The following TDRD1 variants were observed in gnomAD, a reference collection of about 807,000 sequenced individuals.
TDRD1 encodes the protein tudor domain containing 1, also known as tudor domain-containing protein 1.
A neutral mutation model predicts 140.6 loss-of-function variants in TDRD1; 37 were observed. That is an observed-to-expected ratio of 0.26 (90% confidence interval 0.20 to 0.35). The LOEUF (loss-of-function observed/expected upper bound fraction) is 0.35, where lower values mean the gene tolerates loss of function less well. Among genes scored for constraint, TDRD1 ranks in the 10% least tolerant of loss-of-function variants. TDRD1 has a pLI of 1.00. For missense variants in TDRD1, 1,243 were observed against 1,393.0 expected (o/e 0.89, Z 1.71); for synonymous variants, 506 against 475.7 (o/e 1.06, Z -0.83).
chr10:114,206,424 C>A (rs2035106335), intron 11 of TDRD1, 94 bp downstream of exon 11: 3 of 889,306 alleles, frequency 3.4e-6, no homozygotes, highest in Admixed American at 2.3e-5. Context: ...ACTGTTAAGA[C>A]TTGTTAACGA....
chr10:114,216,700 G>A (rs1317399261), intron 16 of TDRD1, among the ~76,000 whole-genome samples: 1 of 152,170 alleles, frequency 6.6e-6, no homozygotes, highest in Non-Finnish European at 1.5e-5. Context: ...ATGTGTATTT[G>A]TGCTTTTGAG....
exon 23 of TDRD1, chr10:114,227,104 TTAA>T (rs1209186192): frequency 6.3e-7 from 1 of 1,581,290 alleles, no homozygotes; most frequent in South Asian, 1.1e-5. Flanking sequence ...CTCTTCTCAA[TTAA>T]TAATAATGCT....
chr10:114,178,062 C>G (rs1432978581), upstream of TDRD1, among the ~76,000 whole-genome samples: 2 of 151,862 alleles, frequency 1.3e-5, no homozygotes, highest in Admixed American at 6.6e-5. Flanking sequence ...AGGCTGGTCT[C>G]GAACTCCAGA....
intron 11 of TDRD1, 60 bp from the exon 12 acceptor site, chr10:114,210,521 A>AT (rs55976621): frequency 0.089 from 121,874 of 1,364,014 alleles, 2,944 homozygotes; most frequent in African/African-American, 0.13. Context: ...AGCGTGCATA[A>AT]TTTTTTTTTT....
At chr10:114,226,734 G>T (rs1029222599) in intron 22 of TDRD1, among the ~76,000 whole-genome samples, 1 of 152,152 alleles carries the variant, frequency 6.6e-6, no homozygotes, top group African/African-American at 2.4e-5. Flanking sequence ...CTTATGCAGA[G>T]GACTTGCAGA....
intron 21 of TDRD1, among the ~76,000 whole-genome samples, chr10:114,225,005 G>T (rs1414344891): frequency 6.6e-6 from 1 of 152,208 alleles, no homozygotes; most frequent in Non-Finnish European, 1.5e-5. Flanking sequence ...CCATCTCACT[G>T]CAGACTCCCA....
At chr10:114,187,912 T>C (rs374239657) in exon 2 of TDRD1, 1 of 1,613,156 alleles carries the variant, frequency 6.2e-7, no homozygotes, top group Non-Finnish European at 8.5e-7. Context: ...AGCCATTTAA[T>C]TTTGAGAAAA....
At chr10:114,219,516 T>C (rs1255258198) in intron 18 of TDRD1, among the ~76,000 whole-genome samples, 3 of 152,206 alleles carry the variant, frequency 2.0e-5, no homozygotes, top group South Asian at 4.1e-4. Flanking sequence ...GCAGCATAGA[T>C]GGATTTATTT....
chr10:114,177,907 G>A (rs554276960), upstream of TDRD1, among the ~76,000 whole-genome samples: 14 of 148,574 alleles, frequency 9.4e-5, no homozygotes, highest in South Asian at 1.5e-3. Context: ...ATCTTGGCTC[G>A]GTGAAACCTC....
exon 14 of TDRD1, chr10:114,211,912 A>G: frequency 6.3e-7 from 1 of 1,597,338 alleles, no homozygotes; most frequent in Non-Finnish European, 8.5e-7. Flanking sequence ...ACGCTTCTGA[A>G]GAATCTGTAC....
chr10:114,217,658 A>G lies in TDRD1; in HGVS notation c.2323+3A>G. Reference sequence around the variant, plus strand: ...ACCTTGTTGTGCTTTTTTTGCAGGTAAGTTGCAATTGATGCAATCTTGACT... The same window carrying G: ...ACCTTGTTGTGCTTTTTTTGCAGGTGAGTTGCAATTGATGCAATCTTGACT... On this transcript the variant is annotated splice_donor_region_variant and intron_variant, in intron 17 of 25. Coordinates refer to ENST00000251864, the Ensembl canonical transcript of TDRD1. The G allele has an allele frequency of 2.0e-6, 3 of 1,513,670 alleles. No homozygotes were observed. In the South Asian group the frequency reaches 3.5e-5, roughly 18 times the overall value. The allele number at this position is 1,513,670 out of a possible 1,614,324, so 93.8% of individuals were successfully genotyped here. A position where few individuals can be genotyped will look rare whatever the true frequency, so the allele number is the denominator to read the frequency against.
chr10:114,206,083 T>C (rs938804436), intron 10 of TDRD1, among the ~76,000 whole-genome samples, 161 bp from the exon 11 acceptor site: 1 of 152,254 alleles, frequency 6.6e-6, no homozygotes, highest in Non-Finnish European at 1.5e-5. Flanking sequence ...AGCTGGGCAC[T>C]ACCATAGCTT....
At chr10:114,228,729 C>G in intron 25 of TDRD1, 1 of 985,360 alleles carries the variant, frequency 1.0e-6, no homozygotes, top group East Asian at 1.1e-4. Flanking sequence ...TTTTAAATGT[C>G]TGGGATCCTT....
intron 10 of TDRD1, among the ~76,000 whole-genome samples, chr10:114,205,633 C>G (rs576437898): frequency 1.3e-5 from 2 of 152,070 alleles, no homozygotes; most frequent in East Asian, 3.8e-4. Context: ...ACAAATCTTT[C>G]GTGTTCTTCA....
At chr10:114,229,226 C>T (rs1023310250) in intron 25 of TDRD1, among the ~76,000 whole-genome samples, 1 of 152,146 alleles carries the variant, frequency 6.6e-6, no homozygotes, top group Non-Finnish European at 1.5e-5. Flanking sequence ...TGTTGGTTAA[C>T]AAATTTATAT....
intron 18 of TDRD1, 43 bp from the exon 19 acceptor site, chr10:114,220,525 A>T: frequency 1.3e-6 from 2 of 1,509,364 alleles, no homozygotes. Context: ...CAAAAATGAA[A>T]CTTGTTCATA....
chr10:114,186,101 AT>A (rs1174073005), intron 1 of TDRD1, among the ~76,000 whole-genome samples: 1 of 150,814 alleles, frequency 6.6e-6, no homozygotes, highest in Admixed American at 6.6e-5. Flanking sequence ...CTGTACTTGA[AT>A]TTTTTTTTCT....
intron 16 of TDRD1, among the ~76,000 whole-genome samples, chr10:114,217,338 G>T (rs1321351890): frequency 1.3e-5 from 2 of 152,064 alleles, no homozygotes; most frequent in African/African-American, 2.4e-5. Flanking sequence ...TAAATCGTTG[G>T]TGTTGGGTTT....
At chr10:114,204,208 C>T (rs561124409) in exon 9 of TDRD1, 2 of 1,585,138 alleles carry the variant, frequency 1.3e-6, no homozygotes, top group East Asian at 2.2e-5. Flanking sequence ...TGACTTGTTT[C>T]CTCCTTGTGT....
Sources: allele counts gnomAD v4.1 joint callset (sites outside exome capture counted in the v4.1 genomes callset), GRCh38; gene constraint gnomAD v4.1.1; transcripts MANE v1.5; gene names NCBI Gene and HGNC (gene_info 2026-07-23, HGNC 2026-07-21).